ERBB4: variants seen among roughly 807,000 people sequenced by gnomAD.
ERBB4 encodes receptor tyrosine-protein kinase erbB-4.
ERBB4 carries 42 observed loss-of-function variants against 158.0 expected under a neutral mutation model. That is an observed-to-expected ratio of 0.27 (90% confidence interval 0.21 to 0.34). The LOEUF is 0.34. ERBB4 is among the 10% of genes least tolerant of loss of function. The pLI is 1.00. For synonymous variants in ERBB4, 583 were observed against 558.7 expected (o/e 1.04, Z -0.61); for missense variants, 1,333 against 1,624.1 (o/e 0.82, Z 3.08).
intron 16 of ERBB4, among the ~76,000 whole-genome samples, chr2:211,652,481 T>C (rs1255725245): frequency 6.6e-6 from 1 of 151,918 alleles, no homozygotes; most frequent in Non-Finnish European, 1.5e-5. Context: ...TTAAGTTCCT[T>C]GGGGGCAAAA....
intron 1 of ERBB4, among the ~76,000 whole-genome samples, chr2:212,360,798 C>CT (rs1560111315): frequency 6.6e-6 from 1 of 151,602 alleles, no homozygotes; most frequent in African/African-American, 2.4e-5. Context: ...AAATTCTTCA[C>CT]TTTTTTTCCT....
rs146535323 is a variant in ERBB4 at position 211,937,676 on chromosome 2, G to C, written c.421+9754C>G. ...AGAATGAATGAGTGCCCAGAGAAGG[G>C]GGAAGCCCCTTATAAAACCATCAGC... On this transcript the variant is annotated intron_variant, in intron 3 of 27. Transcript: ENST00000342788. Among the ~76,000 whole-genome samples, 179 of 152,172 alleles carry C rather than the reference G, an allele frequency of 1.2e-3. 1 individual carries two copies. Among genetic ancestry groups the C allele is most frequent in the Middle Eastern group, 0.01 (3 of 294 alleles).
intron 9 of ERBB4, 57 bp downstream of exon 9, chr2:211,711,993 T>C (rs2073719480): frequency 6.2e-6 from 9 of 1,440,964 alleles, no homozygotes; most frequent in Non-Finnish European, 6.8e-6. Flanking sequence ...AACTAAAGAA[T>C]CTCTTCAGTT....
At chr2:211,787,251 A>T (rs1407809648) in intron 4 of ERBB4, among the ~76,000 whole-genome samples, 1 of 152,220 alleles carries the variant, frequency 6.6e-6, no homozygotes, top group Non-Finnish European at 1.5e-5. Context: ...TTCTGTTTTC[A>T]TACAAATGTC....
At chr2:211,632,454 G>T (rs2070179196) in intron 16 of ERBB4, among the ~76,000 whole-genome samples, 1 of 151,956 alleles carries the variant, frequency 6.6e-6, no homozygotes, top group African/African-American at 2.4e-5. Flanking sequence ...GTATAATTGA[G>T]ACTAATGTCC....
chr2:212,154,249 A>G (rs1262924120), intron 1 of ERBB4, among the ~76,000 whole-genome samples: 1 of 152,144 alleles, frequency 6.6e-6, no homozygotes, highest in African/African-American at 2.4e-5. Context: ...GAAGAAAATG[A>G]TTCACATGGC....
intron 1 of ERBB4, among the ~76,000 whole-genome samples, chr2:212,203,851 T>G (rs1483076756): frequency 6.6e-6 from 1 of 151,984 alleles, no homozygotes; most frequent in African/African-American, 2.4e-5. Flanking sequence ...TCCCTGACAC[T>G]AGGAATAAAA....
intron 19 of ERBB4, among the ~76,000 whole-genome samples, chr2:211,602,397 A>G (rs1263433166): frequency 6.6e-6 from 1 of 151,882 alleles, no homozygotes; most frequent in Non-Finnish European, 1.5e-5. Flanking sequence ...CTCACAATTA[A>G]GCACCCACTC....
chr2:211,422,193 G>T (rs1445868824), intron 23 of ERBB4, 89 bp from the exon 24 acceptor site: 237 of 749,944 alleles, frequency 3.2e-4, no homozygotes, highest in Middle Eastern at 5.0e-4. Context: ...GCAAAAGTTT[G>T]AAAAATGTTG....
At chr2:212,071,165 A>G (rs1467440287) in intron 2 of ERBB4, among the ~76,000 whole-genome samples, 2 of 152,000 alleles carry the variant, frequency 1.3e-5, no homozygotes, top group African/African-American at 2.4e-5. Flanking sequence ...AACTTTGACT[A>G]TCATGTTGAC....
rs1316211626 is a variant in ERBB4 at position 212,409,649 on chromosome 2, G to A, written c.82+128800C>T. Among the ~76,000 whole-genome samples the A allele has an allele frequency of 2.0e-5, 3 of 152,160 alleles. No homozygotes were observed. In the East Asian group the frequency reaches 5.8e-4, roughly 29 times the overall value. On this transcript the variant is annotated intron_variant, in intron 1 of 27. Transcript: ENST00000342788. ...ATCTATAATGCATGATGATCAAAGA[G>A]TTTTGTTTATCACATACTCATGCTG...
At chr2:211,493,681 T>C (rs1574602773) in intron 20 of ERBB4, among the ~76,000 whole-genome samples, 1 of 152,048 alleles carries the variant, frequency 6.6e-6, no homozygotes, top group Non-Finnish European at 1.5e-5. Context: ...AAATATATAT[T>C]TTTTCTTCAT....
At position 211,734,298 on chromosome 2, in the gene ERBB4, C is replaced by G. The variant is rs556991890; in HGVS notation, c.623-9104G>C. Among the ~76,000 whole-genome samples, 156 of 152,204 alleles carry G rather than the reference C, an allele frequency of 1.0e-3. 1 individual carries two copies. Among genetic ancestry groups the G allele is most frequent in the African/African-American group, 3.7e-3 (154 of 41,564 alleles). On this transcript the variant is annotated intron_variant, in intron 5 of 27. Transcript: ENST00000342788. ...ACATCTCTAAGACAGATCACCACTTCTTCAGAGCATTCCAGGAAGTTTCTA... is the reference window on the plus strand; with the variant it reads ...ACATCTCTAAGACAGATCACCACTTGTTCAGAGCATTCCAGGAAGTTTCTA...
chr2:211,717,240 C>A (rs111307334), intron 7 of ERBB4, among the ~76,000 whole-genome samples: 2 of 152,284 alleles, frequency 1.3e-5, no homozygotes, highest in African/African-American at 4.8e-5. Flanking sequence ...TTAGCCCCAT[C>A]CTGCAATACT....
chr2:211,981,312 T>C (rs2081789955), intron 2 of ERBB4, among the ~76,000 whole-genome samples: 1 of 152,148 alleles, frequency 6.6e-6, no homozygotes, highest in Non-Finnish European at 1.5e-5. Flanking sequence ...TTTTCTATTA[T>C]CTTCGATTAA....
chr2:212,423,854 G>C (rs1343373938), intron 1 of ERBB4, among the ~76,000 whole-genome samples: 1 of 152,210 alleles, frequency 6.6e-6, no homozygotes, highest in East Asian at 1.9e-4. Context: ...TTTATGATTT[G>C]AATTACTGAA....
At chr2:212,351,700 G>A (rs1291009644) in intron 1 of ERBB4, among the ~76,000 whole-genome samples, 1 of 152,064 alleles carries the variant, frequency 6.6e-6, no homozygotes, top group African/African-American at 2.4e-5. Context: ...ATAGCTATTG[G>A]CAAGAAGGTA....
intron 3 of ERBB4, among the ~76,000 whole-genome samples, chr2:211,892,209 A>G (rs1475235290): frequency 1.2e-3 from 122 of 105,728 alleles, no homozygotes; most frequent in African/African-American, 4.9e-3. Flanking sequence ...CTTATCCACC[A>G]TGATCAAGTG....
At chr2:211,601,099 TG>T (rs1574838124) in intron 19 of ERBB4, among the ~76,000 whole-genome samples, 1 of 151,752 alleles carries the variant, frequency 6.6e-6, no homozygotes. Flanking sequence ...CTAAAACATA[TG>T]AAAAAATATA....
Sources: gnomAD v4.1 joint callset for allele counts (sites outside exome capture counted in the v4.1 genomes callset) on GRCh38, gnomAD v4.1.1 for gene constraint, MANE v1.5 for transcripts, NCBI Gene and HGNC (gene_info 2026-07-23, HGNC 2026-07-21) for gene names.